CLDN10: variants seen among roughly 807,000 people sequenced by gnomAD.
The protein encoded by CLDN10 is claudin 10, also known as claudin-10.
A neutral mutation model predicts 22.9 loss-of-function variants in CLDN10; 15 were observed. That is an observed-to-expected ratio of 0.65 (90% CI 0.44 to 1.01). The LOEUF is 1.01. Among genes scored for constraint, CLDN10 ranks in the 50% least tolerant of loss-of-function variants. The pLI is 0.00. For synonymous variants in CLDN10, 114 were observed against 111.4 expected (o/e 1.02, Z -0.15); for missense variants, 247 against 287.8 (o/e 0.86, Z 1.03).
intron 1 of CLDN10, among the ~76,000 whole-genome samples, chr13:95,536,707 C>T (rs574211952): frequency 6.6e-6 from 1 of 152,338 alleles, no homozygotes; most frequent in Admixed American, 6.5e-5. Context: ...TCTGTTAATA[C>T]TGGCTTTGCA....
intron 1 of CLDN10, among the ~76,000 whole-genome samples, chr13:95,529,364 T>G (rs142733230): frequency 0.016 from 2,368 of 144,046 alleles, 64 homozygotes; most frequent in African/African-American, 0.058. Flanking sequence ...GATTTCTAAC[T>G]AATTAAAGTG....
chr13:95,461,293 G>A (rs2042534565), intron 1 of CLDN10, among the ~76,000 whole-genome samples: 1 of 152,098 alleles, frequency 6.6e-6, no homozygotes. Flanking sequence ...GTGGAGCTCA[G>A]CTAGAACACT....
intron 1 of CLDN10, among the ~76,000 whole-genome samples, chr13:95,450,650 C>T (rs576072750): frequency 1.2e-4 from 19 of 152,304 alleles, no homozygotes; most frequent in African/African-American, 4.3e-4. Context: ...CCATCTGCTG[C>T]TTCTTCAGAC....
At chr13:95,445,701 C>T (rs527650837) in intron 1 of CLDN10, among the ~76,000 whole-genome samples, 2 of 152,234 alleles carry the variant, frequency 1.3e-5, no homozygotes, top group Admixed American at 1.3e-4. Flanking sequence ...TGGGGTTTGG[C>T]CTTGAAACAC....
At chr13:95,560,034 T>C in intron 1 of CLDN10, 98 bp from the exon 2 acceptor site, 2 of 1,193,526 alleles carry the variant, frequency 1.7e-6, no homozygotes, top group South Asian at 3.0e-5. Flanking sequence ...CAGTTATCTT[T>C]TTGGAAAACA....
intron 1 of CLDN10, among the ~76,000 whole-genome samples, chr13:95,542,543 G>T (rs891520271): frequency 6.6e-6 from 1 of 152,188 alleles, no homozygotes; most frequent in African/African-American, 2.4e-5. Flanking sequence ...AGAGTTAAAG[G>T]TCATAATCAT....
intron 1 of CLDN10, among the ~76,000 whole-genome samples, chr13:95,500,061 G>A (rs1331244088): frequency 6.6e-6 from 1 of 151,250 alleles, no homozygotes; most frequent in Non-Finnish European, 1.5e-5. Context: ...TATGTTAAAT[G>A]TTCCCACCCA....
At chr13:95,438,957 C>G (rs2042297539) in intron 1 of CLDN10, among the ~76,000 whole-genome samples, 1 of 112,606 alleles carries the variant, frequency 8.9e-6, no homozygotes, top group African/African-American at 3.6e-5. Flanking sequence ...GCCTGGGTGA[C>G]AGAGCAAGAC....
intron 1 of CLDN10, among the ~76,000 whole-genome samples, chr13:95,472,681 A>AT (rs1317390395): frequency 2.0e-5 from 3 of 152,008 alleles, no homozygotes; most frequent in Non-Finnish European, 2.9e-5. Context: ...AAAAAAAAAA[A>AT]AAAAATAGAG....
chr13:95,520,444 G>T lies in CLDN10; in HGVS notation c.215-39688G>T, dbSNP rs563426760. Among the ~76,000 whole-genome samples, 2 of 152,202 alleles carry T rather than the reference G, an allele frequency of 1.3e-5. 1 individual carries two copies. Among genetic ancestry groups the T allele is most frequent in the African/African-American group, 4.8e-5 (2 of 41,508 alleles). ...GCTGGAGTGCAATGGCACAGTCTTG[G>T]CTCACTGCAACCTCTGCCTCCTGGG... is the stretch of plus-strand genomic sequence containing the variant. On this transcript the variant is annotated intron_variant, in intron 1 of 4. Transcript: ENST00000376873.
intron 1 of CLDN10, among the ~76,000 whole-genome samples, chr13:95,510,945 C>T (rs1467117603): frequency 6.6e-6 from 1 of 151,984 alleles, no homozygotes; most frequent in Non-Finnish European, 1.5e-5. Flanking sequence ...AACAAAGGTA[C>T]TAAGAAAATG....
chr13:95,560,189 G>C lies in CLDN10; in HGVS notation c.278G>C (p.Gly93Ala). The part of the protein sequence containing the change: ...MIAAVSLGFF[G>A]SIFALFGMKC... ...GCTGCTGTCAGCCTGGGCTTCTTTG[G>C]TTCCATATTTGCGCTCTTTGGAATG... Residue 93 changes from glycine (G) to alanine (A), a missense_variant, in exon 2 of 5, where the codon GGT becomes GCT. Transcript: ENST00000299339. 6.2e-7 allele frequency: 1 copy of C among 1,614,168 alleles called. No homozygotes were observed. Among genetic ancestry groups the C allele is most frequent in the Non-Finnish European group, 8.5e-7 (1 of 1,180,010 alleles).
upstream of CLDN10, among the ~76,000 whole-genome samples, chr13:95,548,041 A>C (rs1276566385): frequency 6.6e-6 from 1 of 152,082 alleles, no homozygotes; most frequent in Non-Finnish European, 1.5e-5. Context: ...ATCCAGAATA[A>C]CTCCTCTGTT....
chr13:95,549,302 G>C (rs530705860), upstream of CLDN10, among the ~76,000 whole-genome samples: 5 of 152,298 alleles, frequency 3.3e-5, no homozygotes, highest in Non-Finnish European at 7.4e-5. Flanking sequence ...TGAAATTTCA[G>C]TGAACTGAAT....
chr13:95,542,994 G>A (rs1594600302), intron 1 of CLDN10, among the ~76,000 whole-genome samples: 1 of 150,280 alleles, frequency 6.7e-6, no homozygotes, highest in Non-Finnish European at 1.5e-5. Context: ...CACTTTGGGA[G>A]GCCAAGGCAG....
intron 1 of CLDN10, among the ~76,000 whole-genome samples, chr13:95,509,872 C>T (rs949830400): frequency 6.6e-6 from 1 of 152,192 alleles, no homozygotes; most frequent in Non-Finnish European, 1.5e-5. Flanking sequence ...CACACAGCTG[C>T]CACAATAGCA....
intron 1 of CLDN10, among the ~76,000 whole-genome samples, chr13:95,464,277 G>A (rs147090274): frequency 0.016 from 2,354 of 151,626 alleles, 72 homozygotes; most frequent in African/African-American, 0.054. Flanking sequence ...AACAGGCCCC[G>A]GTGTGTGATG....
intron 1 of CLDN10, among the ~76,000 whole-genome samples, chr13:95,471,273 CA>C (rs2042628396): frequency 6.6e-6 from 1 of 151,778 alleles, no homozygotes; most frequent in African/African-American, 2.4e-5. Context: ...GCGAGGAAGG[CA>C]GGAGTTAGAC....
At chr13:95,440,996 T>A (rs142387854) in intron 1 of CLDN10, among the ~76,000 whole-genome samples, 6 of 152,354 alleles carry the variant, frequency 3.9e-5, no homozygotes, top group African/African-American at 1.4e-4. Context: ...CCTGTCTTCA[T>A]CCATAGTTCC....
Sources: allele counts gnomAD v4.1 joint callset (sites outside exome capture counted in the v4.1 genomes callset), GRCh38; gene constraint gnomAD v4.1.1; transcripts MANE v1.5; gene names NCBI Gene and HGNC (gene_info 2026-07-23, HGNC 2026-07-21).